LARGE1: variants seen among roughly 807,000 people sequenced by gnomAD.
LARGE1 encodes the protein xylosyl- and glucuronyltransferase LARGE1.
A neutral mutation model predicts 87.6 loss-of-function variants in LARGE1; 43 were observed. The ratio of observed to expected loss-of-function variants is 0.49; its 90% CI spans 0.38 to 0.63. The LOEUF is 0.63. Ranked by LOEUF, LARGE1 falls within the 30% of genes least tolerant of loss-of-function variation. LARGE1 has a pLI of 0.00. For synonymous variants in LARGE1, 434 were observed against 394.6 expected, an observed-to-expected ratio of 1.10 and a Z score of -1.18; for missense variants, 802 against 1,000.2, an observed-to-expected ratio of 0.80 and a Z score of 2.67.
At chr22:33,779,918 AGG>A (rs2085365172) in intron 1 of LARGE1, among the ~76,000 whole-genome samples, 1 of 152,170 alleles carries the variant, frequency 6.6e-6, no homozygotes, top group Admixed American at 6.5e-5. Context: ...TCAGTTTGCC[AGG>A]GCTGCTATAA....
Position 33,556,516 on chromosome 22 carries a change from AAGGGAGGGAGGGAGGGAGGGAAGG to A in LARGE1, c.787+8308_787+8331del, listed in dbSNP as rs1255825132. On this transcript the variant is annotated intron_variant, in intron 6 of 14. Transcript: ENST00000397394. The stretch of plus-strand genomic sequence containing the variant: ...GCAAAAGGCAAGGAAAGAAGGAAGG[AAGGGAGGGAGGGAGGGAGGGAAGG>A]AGGGAGGGAGGGAGGGAGGGAGGGA... Among the ~76,000 whole-genome samples, 35 of 78,998 alleles carry A rather than the reference AAGGGAGGGAGGGAGGGAGGGAAGG, an allele frequency of 4.4e-4. 2 individuals carry two copies. The East Asian group carries it at 4.9e-3, about 11-fold the overall frequency. 51.8% of individuals were successfully genotyped at this position (78,998 alleles called of 152,430 possible). A position where few individuals can be genotyped will look rare whatever the true frequency, so the allele number is the denominator to read the frequency against.
chr22:33,873,897 C>G (rs1357890057), intron 1 of LARGE1, among the ~76,000 whole-genome samples: 1 of 151,872 alleles, frequency 6.6e-6, no homozygotes, highest in Non-Finnish European at 1.5e-5. Context: ...CCTCCTCCCC[C>G]ACTGAGGCTG....
intron 11 of LARGE1, among the ~76,000 whole-genome samples, chr22:33,186,056 A>C (rs1923457418): frequency 2.0e-5 from 3 of 152,262 alleles, no homozygotes; most frequent in Middle Eastern, 3.4e-3. Context: ...AAAAACCTAC[A>C]AAAAAATTCT....
intron 2 of LARGE1, among the ~76,000 whole-genome samples, chr22:33,687,728 C>T (rs889851062): frequency 6.6e-6 from 1 of 152,020 alleles, no homozygotes; most frequent in Admixed American, 6.6e-5. Context: ...ACCGATGCAC[C>T]CACTCACATG....
intron 6 of LARGE1, among the ~76,000 whole-genome samples, chr22:33,446,171 G>C (rs2067680315): frequency 6.6e-6 from 1 of 152,192 alleles, no homozygotes; most frequent in South Asian, 2.1e-4. Flanking sequence ...ATAGGGCTCA[G>C]AGAGCTACTG....
At chr22:33,556,520 G>GAGGA (rs2077683268) in intron 6 of LARGE1, among the ~76,000 whole-genome samples, 1 of 78,032 alleles carries the variant, frequency 1.3e-5, no homozygotes, top group South Asian at 4.3e-4. Flanking sequence ...GGAAGGAAGG[G>GAGGA]AGGGAGGGAG....
At chr22:33,279,834 CTGGCACA>C (rs1930084451) in intron 13 of LARGE1, among the ~76,000 whole-genome samples, 1 of 152,232 alleles carries the variant, frequency 6.6e-6, no homozygotes, top group South Asian at 2.1e-4. Flanking sequence ...TTCAACAGAA[CTGGCACA>C]GCACAGCTGA....
intron 2 of LARGE1, among the ~76,000 whole-genome samples, chr22:33,683,185 T>G (rs912187407): frequency 6.6e-6 from 1 of 152,232 alleles, no homozygotes; most frequent in African/African-American, 2.4e-5. Context: ...TATTTCTGGA[T>G]GAGATTAACA....
intron 6 of LARGE1, among the ~76,000 whole-genome samples, chr22:33,453,648 C>T (rs2068025224): frequency 6.6e-6 from 1 of 152,134 alleles, no homozygotes; most frequent in Non-Finnish European, 1.5e-5. Flanking sequence ...CAGTCTGAGG[C>T]AGCCCATCTT....
chr22:33,884,233 C>G (rs190138746), intron 1 of LARGE1, among the ~76,000 whole-genome samples: 6 of 152,312 alleles, frequency 3.9e-5, no homozygotes, highest in Admixed American at 3.3e-4. Flanking sequence ...CCTCTGTGTA[C>G]GAATCATTAC....
chr22:33,116,516 A>G, the LARGE1 span, among the ~76,000 whole-genome samples: 39 of 149,594 alleles, frequency 2.6e-4, no homozygotes, highest in Non-Finnish European at 5.5e-4. Context: ...CACCACGCCC[A>G]GCTAATTTTT....
At chr22:33,632,560 A>C (rs200308703) in intron 3 of LARGE1, among the ~76,000 whole-genome samples, 1 of 134 alleles carries the variant, frequency 7.5e-3, no homozygotes, top group African/African-American at 0.038. Flanking sequence ...CAATCACACA[A>C]GTTCCAGTCC....
At chr22:33,178,020 C>T (rs949059423) in intron 11 of LARGE1, among the ~76,000 whole-genome samples, 4 of 152,096 alleles carry the variant, frequency 2.6e-5, no homozygotes, top group East Asian at 1.9e-4. Context: ...GCCATGATTG[C>T]GAGATTCCTG....
intron 5 of LARGE1, among the ~76,000 whole-genome samples, chr22:33,571,133 G>C (rs964659265): frequency 6.6e-6 from 1 of 152,176 alleles, no homozygotes; most frequent in Non-Finnish European, 1.5e-5. Flanking sequence ...AAGCAGCATG[G>C]TCTAAACTTC....
chr22:33,093,510 T>C, the LARGE1 span, among the ~76,000 whole-genome samples: 1 of 152,122 alleles, frequency 6.6e-6, no homozygotes. Flanking sequence ...TAAACGTAAA[T>C]GGACCCAGGA....
At chr22:33,401,854 T>C (rs2065936035) in intron 7 of LARGE1, among the ~76,000 whole-genome samples, 1 of 152,228 alleles carries the variant, frequency 6.6e-6, no homozygotes, top group African/African-American at 2.4e-5. Context: ...GGTATTTTGT[T>C]ACGGCAGCCC....
At chr22:33,664,159 C>G (rs1421414884) in intron 2 of LARGE1, among the ~76,000 whole-genome samples, 1 of 152,198 alleles carries the variant, frequency 6.6e-6, no homozygotes, top group Non-Finnish European at 1.5e-5. Flanking sequence ...GTGCCTGGCA[C>G]AACGTGTATA....
chr22:33,330,132 T>C (rs529353902), intron 10 of LARGE1, among the ~76,000 whole-genome samples: 4 of 152,102 alleles, frequency 2.6e-5, no homozygotes, highest in Admixed American at 6.6e-5. Context: ...AGCTTTCCAA[T>C]AGCAGAGTAA....
At chr22:33,391,765 CTTTTTTTTTTTTT>C (rs1034572374) in intron 7 of LARGE1, among the ~76,000 whole-genome samples, 1 of 63,856 alleles carries the variant, frequency 1.6e-5, no homozygotes, top group Non-Finnish European at 2.8e-5. Context: ...TTCCTTTTTC[CTTTTTTTTTTTTT>C]TTTTTTTTTG....
Sources: allele counts gnomAD v4.1 joint callset (sites outside exome capture counted in the v4.1 genomes callset), GRCh38; gene constraint gnomAD v4.1.1; transcripts MANE v1.5; gene names NCBI Gene and HGNC (gene_info 2026-07-23, HGNC 2026-07-21).